Variants in DAAM1 observed in about 807,000 individuals in gnomAD.
The protein encoded by DAAM1 is disheveled-associated activator of morphogenesis 1.
DAAM1 carries 52 observed loss-of-function variants against 130.0 expected under a neutral mutation model. That is an observed-to-expected ratio of 0.40 (90% CI 0.32 to 0.50). DAAM1 has a LOEUF of 0.50. Among genes scored for constraint, DAAM1 ranks in the 20% least tolerant of loss-of-function variants. The probability of loss-of-function intolerance (pLI) is 0.61; values close to 1 mark genes in which losing one functional copy is unlikely to be tolerated. For synonymous variants in DAAM1, 452 were observed against 444.5 expected, an observed-to-expected ratio of 1.02 and a Z score of -0.21; for missense variants, 1,134 against 1,303.8, an observed-to-expected ratio of 0.87 and a Z score of 2.01.
rs775655215 is a variant in DAAM1 at position 59,359,390 on chromosome 14, A to G, written c.2526-7A>G. Reference sequence around the variant, plus strand: ...ATGTTTAATACTCTTCCCTTCTTCAATTGTAGAAACATTACCCTTTTGCAC... The same window carrying G: ...ATGTTTAATACTCTTCCCTTCTTCAGTTGTAGAAACATTACCCTTTTGCAC... On this transcript the variant is annotated splice_region_variant and splice_polypyrimidine_tract_variant and intron_variant, in intron 20 of 24. Transcript: ENST00000360909. 2.1e-5 allele frequency: 33 copies of G among 1,593,806 alleles called. No homozygotes were observed. The highest frequency in any genetic ancestry group is 1.7e-4 in the Middle Eastern group (1 of 5,986).
chr14:59,248,465 T>G (rs981602330), intron 1 of DAAM1, among the ~76,000 whole-genome samples: 1 of 152,218 alleles, frequency 6.6e-6, no homozygotes, highest in Non-Finnish European at 1.5e-5. Context: ...AGTGTTTGTT[T>G]AGCTATGTGA....
intron 1 of DAAM1, among the ~76,000 whole-genome samples, chr14:59,210,522 A>T (rs1366794010): frequency 6.6e-6 from 1 of 152,164 alleles, no homozygotes; most frequent in Non-Finnish European, 1.5e-5. Flanking sequence ...TTGGAAGGAA[A>T]CTTACGATAT....
intron 22 of DAAM1, 75 bp downstream of exon 22, chr14:59,360,937 G>A (rs773472390): frequency 1.0e-5 from 14 of 1,335,444 alleles, no homozygotes; most frequent in African/African-American, 1.5e-5. Context: ...TCAGCAGATG[G>A]GTTGTGTTGG....
chr14:59,230,759 T>G (rs1332008427), intron 1 of DAAM1, among the ~76,000 whole-genome samples: 1 of 151,164 alleles, frequency 6.6e-6, no homozygotes, highest in Non-Finnish European at 1.5e-5. Flanking sequence ...GGATAAATGC[T>G]TGAGGGGAGG....
At chr14:59,239,640 A>C (rs1594774355) in intron 1 of DAAM1, among the ~76,000 whole-genome samples, 1 of 151,126 alleles carries the variant, frequency 6.6e-6, no homozygotes. Context: ...CCGCGCCCCC[A>C]CCCCGATCCT....
chr14:59,204,036 C>G (rs1196192879), intron 1 of DAAM1, among the ~76,000 whole-genome samples: 4 of 152,216 alleles, frequency 2.6e-5, no homozygotes, highest in Non-Finnish European at 5.9e-5. Flanking sequence ...TTGATGGGAT[C>G]ATAAACCCAT....
intron 1 of DAAM1, among the ~76,000 whole-genome samples, chr14:59,241,753 G>A (rs1182295889): frequency 6.6e-6 from 1 of 152,106 alleles, no homozygotes; most frequent in Non-Finnish European, 1.5e-5. Context: ...AAACAATTGG[G>A]CTATGACACT....
chr14:59,236,526 C>T (rs928253710), intron 1 of DAAM1, among the ~76,000 whole-genome samples: 1 of 152,036 alleles, frequency 6.6e-6, no homozygotes, highest in African/African-American at 2.4e-5. Flanking sequence ...GTCTTCTTGT[C>T]GTCGTTTAAA....
intron 2 of DAAM1, among the ~76,000 whole-genome samples, chr14:59,288,047 C>T (rs531728038): frequency 6.6e-6 from 1 of 152,282 alleles, no homozygotes; most frequent in South Asian, 2.1e-4. Flanking sequence ...AAAACCAAAA[C>T]ATCATGGTAC....
At chr14:59,273,693 C>T (rs1882827604) in intron 2 of DAAM1, among the ~76,000 whole-genome samples, 1 of 152,148 alleles carries the variant, frequency 6.6e-6, no homozygotes, top group African/African-American at 2.4e-5. Flanking sequence ...TAAGCCAATA[C>T]AGGTGTCAAA....
In DAAM1 at chr14:59,313,796, A is replaced by C. The variant is rs546731586; in HGVS notation, c.274-1484A>C. On this transcript the variant is annotated intron_variant, in intron 3 of 24. Transcript: ENST00000360909. The stretch of plus-strand genomic sequence containing the variant: ...TATTTTATTAACATGTTAAAGTATA[A>C]CCAAGGCCTGTTTTTAAAAACTCAT... 1.4e-4 allele frequency among the ~76,000 whole-genome samples: 22 copies of C among 152,292 alleles called. No homozygotes were observed. The South Asian group carries it at 4.1e-3, about 29-fold the overall frequency.
chr14:59,363,656 G>A lies in DAAM1; in HGVS notation c.2700G>A (p.Leu900=). Residue 900 remains leucine (L), a synonymous_variant, in exon 23 of 25, where the codon CTG becomes CTA. Coordinates refer to ENST00000360909, the MANE Select transcript of DAAM1 (RefSeq NM_001270520.2). The part of the protein sequence containing the change: ...RSGLKAVETE[L]EYQKSQPPQP... ...ATTCATTTCCTGTGTTTAAGGAGCT[G>A]GAATATCAGAAGTCTCAGCCCCCAC... 1.9e-6 allele frequency: 3 copies of A among 1,614,012 alleles called. No homozygotes were observed. Among genetic ancestry groups the A allele is most frequent in the South Asian group, 2.2e-5 (2 of 91,072 alleles).
intron 2 of DAAM1, among the ~76,000 whole-genome samples, chr14:59,283,623 C>T (rs1883314051): frequency 6.6e-6 from 1 of 152,146 alleles, no homozygotes; most frequent in African/African-American, 2.4e-5. Flanking sequence ...TCAGGCATTA[C>T]TGCATGCTTA....
intron 2 of DAAM1, among the ~76,000 whole-genome samples, chr14:59,277,973 T>C (rs1330508455): frequency 1.3e-5 from 2 of 152,202 alleles, no homozygotes; most frequent in African/African-American, 4.8e-5. Flanking sequence ...ACGCTATATA[T>C]ACTATGTTTT....
rs542205346 is a variant in DAAM1 at position 59,279,157 on chromosome 14, A to G, written c.184-12060A>G. Among the ~76,000 whole-genome samples the G allele has an allele frequency of 6.0e-4, 91 of 152,246 alleles. 3 individuals carry two copies. The South Asian group carries it at 0.019, about 31-fold the overall frequency. On this transcript the variant is annotated intron_variant, in intron 2 of 24. Transcript: ENST00000360909. ...TTTATAGTTGTTAACCATCACCGCC[A>G]TAGTTTATAACACTTCCAGCATCCC...
rs1181306000 is a variant in DAAM1, at chr14:59,371,335, T to C, written c.*2476T>C. Reference sequence around the variant, plus strand: ...ATAGTACTGAGAAAAAAAAAGTATGTGTTATGAGACTGTACATGTTTTTTT... The same window carrying C: ...ATAGTACTGAGAAAAAAAAAGTATGCGTTATGAGACTGTACATGTTTTTTT... On this transcript the variant is annotated 3_prime_UTR_variant, in exon 25 of 25. Coordinates refer to ENST00000360909, the MANE Select transcript of DAAM1 (RefSeq NM_001270520.2). 2 of 152,146 alleles carry C rather than the reference T, an allele frequency of 1.3e-5. No homozygotes were observed. Among genetic ancestry groups the C allele is most frequent in the African/African-American group, 4.8e-5 (2 of 41,442 alleles). 9.4% of individuals were successfully genotyped at this position (152,146 alleles called of 1,614,324 possible).
At chr14:59,236,541 A>G (rs185674848) in intron 1 of DAAM1, among the ~76,000 whole-genome samples, 3 of 152,014 alleles carry the variant, frequency 2.0e-5, no homozygotes, top group East Asian at 1.9e-4. Context: ...TTTAAATATT[A>G]TTTTCAGTGC....
chr14:59,354,613 G>A (rs888601596), intron 19 of DAAM1, among the ~76,000 whole-genome samples: 9 of 152,150 alleles, frequency 5.9e-5, no homozygotes, highest in Non-Finnish European at 1.2e-4. Flanking sequence ...GAAGATTTGA[G>A]GCTGTTGTAT....
chr14:59,307,875 A>G (rs566780214), intron 3 of DAAM1, among the ~76,000 whole-genome samples: 5 of 152,280 alleles, frequency 3.3e-5, no homozygotes, highest in African/African-American at 9.6e-5. Context: ...TGTAGTTTCA[A>G]TTTTGTTAAC....
Sources: gnomAD v4.1 joint callset for allele counts (sites outside exome capture counted in the v4.1 genomes callset) on GRCh38, gnomAD v4.1.1 for gene constraint, MANE v1.5 for transcripts, NCBI Gene and HGNC (gene_info 2026-07-23, HGNC 2026-07-21) for gene names.